The following EVA1C variants were observed in gnomAD, a reference collection of about 807,000 sequenced individuals.
The protein encoded by EVA1C is protein eva-1 homolog C.
In EVA1C, 25 loss-of-function variants were observed where a neutral mutation model predicts 45.4. That is an observed-to-expected ratio of 0.55 (90% CI 0.40 to 0.77). EVA1C has a LOEUF of 0.77. Ranked by LOEUF, EVA1C falls within the 30% of genes least tolerant of loss-of-function variation. EVA1C has a pLI of 0.00. For synonymous variants in EVA1C, 190 were observed against 221.2 expected, an observed-to-expected ratio of 0.86 and a Z score of 1.25; for missense variants, 479 against 554.8, an observed-to-expected ratio of 0.86 and a Z score of 1.37.
At chr21:32,486,762 C>G (rs2036984585) in intron 4 of EVA1C, among the ~76,000 whole-genome samples, 1 of 152,128 alleles carries the variant, frequency 6.6e-6, no homozygotes, top group Non-Finnish European at 1.5e-5. Context: ...GCATTACACC[C>G]CACAGAACTA....
intron 3 of EVA1C, among the ~76,000 whole-genome samples, chr21:32,459,094 A>G (rs1297482612): frequency 1.3e-5 from 2 of 152,218 alleles, no homozygotes; most frequent in Middle Eastern, 3.4e-3. Context: ...CTCACAGCAC[A>G]TAACAGACGC....
At chr21:32,504,813 T>C (rs911361989) in intron 7 of EVA1C, among the ~76,000 whole-genome samples, 2 of 152,158 alleles carry the variant, frequency 1.3e-5, no homozygotes, top group Non-Finnish European at 2.9e-5. Flanking sequence ...GCTTAGGGAA[T>C]GTATTTGTCT....
chr21:32,502,017 T>TTTCTTTCTTTCTTTCTTTCTTTCTTTC, intron 6 of EVA1C, among the ~76,000 whole-genome samples: 1 of 141,334 alleles, frequency 7.1e-6, no homozygotes, highest in African/African-American at 2.8e-5. Context: ...TCTTTCTTTC[T>TTTCTTTCTTTCTTTCTTTCTTTCTTTC]TTCTTTCTTT....
chr21:32,427,855 TAAAAAAA>T (rs35551211), intron 1 of EVA1C, among the ~76,000 whole-genome samples: 3 of 122,546 alleles, frequency 2.4e-5, no homozygotes, highest in African/African-American at 6.1e-5. Flanking sequence ...CCATCTCTAT[TAAAAAAA>T]AAAAAAAAAA....
intron 2 of EVA1C, among the ~76,000 whole-genome samples, chr21:32,456,909 GGAGA>G (rs61230955): frequency 1.3e-5 from 2 of 151,682 alleles, no homozygotes; most frequent in African/African-American, 4.9e-5. Flanking sequence ...GAAAAAATCA[GGAGA>G]GAGAGAGAGA....
At chr21:32,412,267 GACCCC>G (rs1363108760), upstream of EVA1C, 1 of 152,080 alleles carries the variant, frequency 6.6e-6, no homozygotes, top group African/African-American at 2.4e-5. Flanking sequence ...ACGCCTCCAG[GACCCC>G]ACCTTCCTGC....
chr21:32,507,043 G>C (rs572551529), intron 7 of EVA1C, among the ~76,000 whole-genome samples: 1 of 152,186 alleles, frequency 6.6e-6, no homozygotes, highest in Admixed American at 6.5e-5. Context: ...CAGTAGTGCA[G>C]TCCAGTGTAC....
At chr21:32,440,798 T>C (rs895829181) in intron 1 of EVA1C, among the ~76,000 whole-genome samples, 26 of 152,276 alleles carry the variant, frequency 1.7e-4, no homozygotes, top group African/African-American at 6.0e-4. Context: ...ACTGTGTCAT[T>C]CATTCAAGAG....
At chr21:32,499,113 C>G (rs2037446300) in intron 5 of EVA1C, among the ~76,000 whole-genome samples, 1 of 152,196 alleles carries the variant, frequency 6.6e-6, no homozygotes, top group South Asian at 2.1e-4. Context: ...CCTCTGAGCT[C>G]CTCTACAAAA....
chr21:32,509,188 C>T (rs1198061554), intron 7 of EVA1C, among the ~76,000 whole-genome samples: 1 of 152,220 alleles, frequency 6.6e-6, no homozygotes, highest in Non-Finnish European at 1.5e-5. Context: ...GTTGGACCAG[C>T]TCATCACTAA....
chr21:32,476,962 C>T (rs1006721613), intron 4 of EVA1C, among the ~76,000 whole-genome samples: 6 of 152,088 alleles, frequency 3.9e-5, no homozygotes, highest in Admixed American at 6.6e-5. Context: ...AGGGCAGGCA[C>T]GGAGGAGGTC....
intron 1 of EVA1C, among the ~76,000 whole-genome samples, chr21:32,430,205 G>A (rs2034645814): frequency 6.6e-6 from 1 of 152,188 alleles, no homozygotes; most frequent in South Asian, 2.1e-4. Context: ...TTACATGGGA[G>A]CTTGGCCTCT....
At chr21:32,432,995 G>A (rs201471494) in intron 1 of EVA1C, among the ~76,000 whole-genome samples, 2,553 of 79,064 alleles carry the variant, frequency 0.032, no homozygotes, top group Non-Finnish European at 0.034. Flanking sequence ...GCATCCCAAA[G>A]TGTTGAGATG....
In EVA1C at chr21:32,421,298, G is replaced by T. The variant is rs533853898; in HGVS notation, c.160+8285G>T. ...GGTGCCTGAGCGCAGGCGATAAGGAGTGAGACCACTGTATAGTGAGGAATT... is the reference window on the plus strand; with the variant it reads ...GGTGCCTGAGCGCAGGCGATAAGGATTGAGACCACTGTATAGTGAGGAATT... On this transcript the variant is annotated intron_variant, in intron 1 of 7. Transcript: ENST00000300255. Among the ~76,000 whole-genome samples, 8 of 152,280 alleles carry T rather than the reference G, an allele frequency of 5.3e-5. No homozygotes were observed. The East Asian group carries it at 1.5e-3, about 29-fold the overall frequency.
chr21:32,505,960 C>G (rs886892861), intron 7 of EVA1C, among the ~76,000 whole-genome samples: 9 of 151,968 alleles, frequency 5.9e-5, no homozygotes, highest in African/African-American at 2.2e-4. Context: ...AGGAGTTGAG[C>G]CATTTGCCTG....
At chr21:32,469,072 A>T (rs907711792) in intron 4 of EVA1C, among the ~76,000 whole-genome samples, 1 of 152,172 alleles carries the variant, frequency 6.6e-6, no homozygotes, top group Non-Finnish European at 1.5e-5. Context: ...CCGTCATTCC[A>T]CACTGAGTAG....
intron 7 of EVA1C, 23 bp downstream of exon 7, chr21:32,504,038 C>T: frequency 6.7e-7 from 1 of 1,489,424 alleles, no homozygotes; most frequent in Non-Finnish European, 9.3e-7. Context: ...ATCAAAGCTT[C>T]CTAGAATGCT....
At chr21:32,471,316 CTT>C (rs1427748965) in intron 4 of EVA1C, among the ~76,000 whole-genome samples, 1 of 136,988 alleles carries the variant, frequency 7.3e-6, no homozygotes, top group Non-Finnish European at 1.5e-5. Flanking sequence ...ACTCCCACTC[CTT>C]TTTTTCTTTT....
chr21:32,412,905 C>T lies in EVA1C; in HGVS notation c.52C>T (p.His18Tyr). Reference sequence around the variant, plus strand: ...ACCGCCGACGCCCCAGCCCGTGCAGCATCCCGGCCTCCGCCGGCAGGTAGA... The same window carrying T: ...ACCGCCGACGCCCCAGCCCGTGCAGTATCCCGGCCTCCGCCGGCAGGTAGA... The part of the protein sequence containing the change: ...RQPPTPQPVQ[H>Y]PGLRRQVEPP... Residue 18 changes from histidine (H) to tyrosine (Y), a missense_variant, in exon 1 of 8, where the codon CAT becomes TAT. By Grantham distance (83) the His-to-Tyr change is moderately conservative. Transcript: ENST00000300255. 2 of 1,517,470 alleles carry T rather than the reference C, an allele frequency of 1.3e-6. No individual in the cohort carries two copies. Among genetic ancestry groups the T allele is most frequent in the Non-Finnish European group, 1.8e-6 (2 of 1,135,734 alleles). The allele number at this position is 1,517,470 out of a possible 1,614,324, so 94.0% of individuals were successfully genotyped here.
Sources: allele counts gnomAD v4.1 joint callset (sites outside exome capture counted in the v4.1 genomes callset), GRCh38; gene constraint gnomAD v4.1.1; transcripts MANE v1.5; gene names NCBI Gene and HGNC (gene_info 2026-07-23, HGNC 2026-07-21).